HOOK3: variants seen among roughly 807,000 people sequenced by gnomAD.
HOOK3 encodes the protein hook microtubule tethering protein 3, also known as protein Hook homolog 3.
Under a neutral mutation model 116.3 loss-of-function variants are expected in HOOK3, and 24 were observed. The observed-to-expected ratio is 0.21, with a 90% CI of 0.15 to 0.29. HOOK3 has a LOEUF of 0.29. HOOK3 is among the 10% of genes least tolerant of loss of function. HOOK3 has a pLI of 1.00. For synonymous variants in HOOK3, 275 were observed against 283.0 expected (o/e 0.97, Z 0.28); for missense variants, 632 against 830.2 (o/e 0.76, Z 2.93).
rs113866102 is a variant in HOOK3 at position 42,972,825 on chromosome 8, T to A, written c.1123-464T>A. Among the ~76,000 whole-genome samples the A allele has an allele frequency of 5.7e-3, 871 of 152,290 alleles. 6 individuals carry two copies. The highest frequency in any genetic ancestry group is 9.4e-3 in the Non-Finnish European group (641 of 68,022). ...GAGCCCAGGGTGGTTCAACAACCAC[T>A]CATCTCCTTTTAAAGCTCTAGGTTC... On this transcript the variant is annotated intron_variant, in intron 11 of 21. Transcript: ENST00000307602.
At chr8:42,902,280 T>A (rs1016853364) in intron 1 of HOOK3, among the ~76,000 whole-genome samples, 5 of 151,774 alleles carry the variant, frequency 3.3e-5, no homozygotes, top group African/African-American at 9.7e-5. Context: ...CTCTCTCTTT[T>A]TTTTTTTTTA....
Position 43,021,105 on chromosome 8 carries a change from A to G in HOOK3, c.*2607A>G, listed in dbSNP as rs1345023993. 1.4e-4 allele frequency: 15 copies of G among 106,664 alleles called. No individual in the cohort carries two copies. The highest frequency in any genetic ancestry group is 3.7e-4 in the African/African-American group (7 of 19,112). The allele number at this position is 106,664 out of a possible 1,614,324, so 6.6% of individuals were successfully genotyped here. ...GACAAGAGCGAAACTCTGTCGCAAG[A>G]AAAAAAAAAAAAAAAAAAAAAAAAA... On this transcript the variant is annotated 3_prime_UTR_variant, in exon 22 of 22. Transcript: ENST00000307602.
At chr8:42,958,596 GT>G (rs71550434) in intron 7 of HOOK3, among the ~76,000 whole-genome samples, 14,598 of 106,364 alleles carry the variant, frequency 0.14, 1,295 homozygotes, top group African/African-American at 0.28. Context: ...GTTTTTGATA[GT>G]TTTTTTTTTT....
chr8:42,951,261 A>G (rs888611160), intron 6 of HOOK3, among the ~76,000 whole-genome samples: 1 of 151,528 alleles, frequency 6.6e-6, no homozygotes, highest in Non-Finnish European at 1.5e-5. Flanking sequence ...GGGTTTCACC[A>G]TATTGGTCAG....
At position 43,023,879 on chromosome 8, in the gene HOOK3, C is replaced by T. The variant is rs1809884171; in HGVS notation, c.*5381C>T. 4.9e-6 allele frequency: 1 copy of T among 203,556 alleles called. No individual in the cohort carries two copies. Among genetic ancestry groups the T allele is most frequent in the African/African-American group, 2.3e-5 (1 of 43,748 alleles). The allele number at this position is 203,556 out of a possible 1,614,324, so 12.6% of individuals were successfully genotyped here. A position where few individuals can be genotyped will look rare whatever the true frequency, so the allele number is the denominator to read the frequency against. On this transcript the variant is annotated 3_prime_UTR_variant, in exon 22 of 22. Coordinates refer to ENST00000307602, the MANE Select transcript of HOOK3 (RefSeq NM_032410.4). The stretch of plus-strand genomic sequence containing the variant: ...AATTCACCTGTCATTTTAATGATAA[C>T]AGCATGTTAAAAACTTGGAAGTCTT...
intron 21 of HOOK3, 115 bp downstream of exon 21, chr8:43,013,515 CCTAACATACA>C (rs1486591252): frequency 7.5e-6 from 6 of 799,474 alleles, no homozygotes; most frequent in Non-Finnish European, 1.1e-5. Context: ...TAACTGCTAT[CCTAACATACA>C]CTAACAGAAT....
At chr8:42,938,822 T>C (rs986584296) in intron 4 of HOOK3, among the ~76,000 whole-genome samples, 1 of 152,084 alleles carries the variant, frequency 6.6e-6, no homozygotes, top group Non-Finnish European at 1.5e-5. Flanking sequence ...GATAAACAAG[T>C]GAACAAAGGT....
intron 5 of HOOK3, among the ~76,000 whole-genome samples, chr8:42,943,692 TAACTACACTGAATG>T (rs1263263020): frequency 2.0e-5 from 3 of 152,212 alleles, no homozygotes; most frequent in African/African-American, 7.2e-5. Flanking sequence ...CTTGAGTAGA[TAACTACACTGAATG>T]CAGTGAAATT....
chr8:42,904,768 CCTGTT>C (rs1168677016), intron 1 of HOOK3, among the ~76,000 whole-genome samples: 3 of 152,100 alleles, frequency 2.0e-5, no homozygotes, highest in Non-Finnish European at 4.4e-5. Flanking sequence ...TTAATTCTCC[CCTGTT>C]CTGTTTCTTC....
intron 15 of HOOK3, among the ~76,000 whole-genome samples, chr8:42,988,447 T>C (rs1809090152): frequency 6.6e-6 from 1 of 152,178 alleles, no homozygotes. Flanking sequence ...TTATAATTGT[T>C]GCTCTTTTTC....
chr8:42,982,259 AAAAAAAAAAAAG>A lies in HOOK3; in HGVS notation c.1322-349_1322-338del, dbSNP rs552771417. On this transcript the variant is annotated intron_variant, in intron 13 of 21. Coordinates refer to ENST00000307602, the MANE Select transcript of HOOK3 (RefSeq NM_032410.4). ...AACAGAGTGAGACTCTGTCTTAAAAAAAAAAAAAAAAGAAAAAAAAAAAGAAAAAAGGTAGAA... is the reference window on the plus strand; with the variant it reads ...AACAGAGTGAGACTCTGTCTTAAAAAAAAAAAAAAAAGAAAAAAGGTAGAA... 3.9e-4 allele frequency among the ~76,000 whole-genome samples: 56 copies of A among 144,852 alleles called. 1 individual carries two copies. Among genetic ancestry groups the A allele is most frequent in the South Asian group, 6.3e-4 (3 of 4,744 alleles).
intron 5 of HOOK3, among the ~76,000 whole-genome samples, chr8:42,949,927 A>AG (rs1367663433): frequency 3.3e-5 from 5 of 152,186 alleles, no homozygotes; most frequent in Admixed American, 3.3e-4. Context: ...AAAAAAAAAA[A>AG]AAGGAAATAT....
At chr8:42,940,390 G>T (rs1290760560) in intron 4 of HOOK3, among the ~76,000 whole-genome samples, 1 of 152,238 alleles carries the variant, frequency 6.6e-6, no homozygotes, top group Non-Finnish European at 1.5e-5. Context: ...GCCAAGGCAG[G>T]AGAATCAGGC....
intron 17 of HOOK3, among the ~76,000 whole-genome samples, chr8:43,006,221 C>T (rs1809485881): frequency 6.6e-6 from 1 of 151,306 alleles, no homozygotes; most frequent in Non-Finnish European, 1.5e-5. Flanking sequence ...GGGGTTTCAC[C>T]GTGTTAGCCA....
intron 2 of HOOK3, among the ~76,000 whole-genome samples, chr8:42,914,646 T>A (rs755662093): frequency 2.6e-5 from 4 of 152,298 alleles, no homozygotes; most frequent in African/African-American, 4.8e-5. Context: ...ACATTTTTAG[T>A]TCCTTGGCCC....
chr8:42,926,545 C>CA (rs1451477934), intron 3 of HOOK3, among the ~76,000 whole-genome samples: 6 of 152,090 alleles, frequency 3.9e-5, no homozygotes, highest in African/African-American at 1.4e-4. Context: ...CTTGGCCTCT[C>CA]AAAGTGCTGG....
rs1720672654 is a variant in HOOK3 at position 42,989,783 on chromosome 8, T to C, written c.1532+2988T>C. ...GTAACCATCCCATCTACTCTCAAGC[T>C]CCATGAGTTTAATTTTTTTAATTTT... is the stretch of plus-strand genomic sequence containing the variant. On this transcript the variant is annotated intron_variant, in intron 15 of 21. Transcript: ENST00000307602. Among the ~76,000 whole-genome samples, 7 of 152,172 alleles carry C rather than the reference T, an allele frequency of 4.6e-5. No homozygotes were observed. The South Asian group carries it at 1.5e-3, about 32-fold the overall frequency.
intron 7 of HOOK3, among the ~76,000 whole-genome samples, chr8:42,958,999 T>C (rs1207092167): frequency 6.6e-6 from 1 of 151,406 alleles, no homozygotes; most frequent in Non-Finnish European, 1.5e-5. Context: ...AAACTTGATA[T>C]GGGGAATGAG....
Position 43,028,072 on chromosome 8 carries a change from G to A in HOOK3, c.*9574G>A, listed in dbSNP as rs1586641310. On this transcript the variant is annotated 3_prime_UTR_variant, in exon 22 of 22. Transcript: ENST00000307602. Reference sequence around the variant, plus strand: ...ATCAAAACCCCATTCCTTTAAGCTAGTCTTCAGTATATATTTTTCTAAGAA... The same window carrying A: ...ATCAAAACCCCATTCCTTTAAGCTAATCTTCAGTATATATTTTTCTAAGAA... The A allele has an allele frequency of 5.2e-6, 1 of 190,636 alleles. No homozygotes were observed. The highest frequency in any genetic ancestry group is 8.4e-5 in the East Asian group (1 of 11,908). 11.8% of individuals were successfully genotyped at this position (190,636 alleles called of 1,614,324 possible).
Sources: gnomAD v4.1 joint callset for allele counts (sites outside exome capture counted in the v4.1 genomes callset) on GRCh38, gnomAD v4.1.1 for gene constraint, MANE v1.5 for transcripts, NCBI Gene and HGNC (gene_info 2026-07-23, HGNC 2026-07-21) for gene names.